UBE2K: variants seen among roughly 807,000 people sequenced by gnomAD.
UBE2K encodes ubiquitin conjugating enzyme E2 K.
In UBE2K, 6 loss-of-function variants were observed where a neutral mutation model predicts 30.0. That is an observed-to-expected ratio of 0.20 (90% CI 0.11 to 0.39). UBE2K has a LOEUF of 0.39. Ranked by LOEUF, UBE2K falls within the 10% of genes least tolerant of loss-of-function variation. The probability of loss-of-function intolerance (pLI) is 1.00; values close to 1 mark genes in which losing one functional copy is unlikely to be tolerated. For missense variants in UBE2K, 61 were observed against 241.6 expected (o/e 0.25, Z 4.96); for synonymous variants, 86 against 83.7 (o/e 1.03, Z -0.15).
chr4:39,728,788 G>C lies in UBE2K; in HGVS notation c.64-8632G>C, dbSNP rs1470446736. On this transcript the variant is annotated intron_variant, in intron 1 of 6. Coordinates refer to ENST00000261427, the MANE Select transcript of UBE2K (RefSeq NM_005339.5). ...GGAGTAGCTGGGACTATAGGCGCCC[G>C]CCACCACGCCCGGCTAGTAGGTTTT... 2.0e-5 allele frequency among the ~76,000 whole-genome samples: 3 copies of C among 148,530 alleles called. No individual in the cohort carries two copies. In the South Asian group the frequency reaches 6.5e-4, roughly 32 times the overall value.
chr4:39,736,335 G>A (rs1720378861), intron 1 of UBE2K, among the ~76,000 whole-genome samples: 1 of 152,134 alleles, frequency 6.6e-6, no homozygotes, highest in Non-Finnish European at 1.5e-5. Context: ...GGTAGTGGGT[G>A]CCTGTAATCC....
intron 5 of UBE2K, among the ~76,000 whole-genome samples, chr4:39,776,301 A>T (rs1309631822): frequency 2.0e-5 from 3 of 152,194 alleles, no homozygotes; most frequent in Non-Finnish European, 4.4e-5. Flanking sequence ...TCTGATTGCC[A>T]TAGGTCACTT....
At chr4:39,703,449 G>T (rs1718147712) in intron 1 of UBE2K, among the ~76,000 whole-genome samples, 1 of 152,056 alleles carries the variant, frequency 6.6e-6, no homozygotes, top group African/African-American at 2.4e-5. Context: ...TGAGGTCAAG[G>T]CTGCAGTGAA....
chr4:39,756,908 C>T (rs1361881281), intron 4 of UBE2K, among the ~76,000 whole-genome samples: 2 of 151,244 alleles, frequency 1.3e-5, no homozygotes, highest in African/African-American at 4.9e-5. Flanking sequence ...GGAGCCAAAA[C>T]TGTGTTTAAT....
At chr4:39,723,861 G>A (rs1406876471) in intron 1 of UBE2K, among the ~76,000 whole-genome samples, 1 of 152,064 alleles carries the variant, frequency 6.6e-6, no homozygotes, top group Non-Finnish European at 1.5e-5. Flanking sequence ...TGCGCAGGGT[G>A]GAGTGCAATG....
chr4:39,746,426 T>G (rs1336415825), intron 3 of UBE2K, among the ~76,000 whole-genome samples: 1 of 152,240 alleles, frequency 6.6e-6, no homozygotes, highest in Non-Finnish European at 1.5e-5. Flanking sequence ...CATCAGCACT[T>G]TAGGCATTCA....
At chr4:39,705,530 A>G (rs1422053217) in intron 1 of UBE2K, among the ~76,000 whole-genome samples, 1 of 151,942 alleles carries the variant, frequency 6.6e-6, no homozygotes, top group Non-Finnish European at 1.5e-5. Context: ...CCGTGAATAC[A>G]TTATTGACAG....
At chr4:39,736,154 A>G (rs1720366950) in intron 1 of UBE2K, among the ~76,000 whole-genome samples, 1 of 152,098 alleles carries the variant, frequency 6.6e-6, no homozygotes, top group African/African-American at 2.4e-5. Flanking sequence ...ACAATATGGA[A>G]TTCTAACCAA....
intron 1 of UBE2K, among the ~76,000 whole-genome samples, chr4:39,730,383 A>G (rs1053519229): frequency 2.8e-4 from 43 of 152,000 alleles, no homozygotes; most frequent in Non-Finnish European, 1.2e-4. Context: ...TGGGAGTTTC[A>G]CTATATGGCC....
rs1281224291 is a variant in UBE2K, at chr4:39,773,343, C to A, written c.300-1491C>A. 2.0e-5 allele frequency among the ~76,000 whole-genome samples: 3 copies of A among 151,894 alleles called. No individual in the cohort carries two copies. In the South Asian group the frequency reaches 6.2e-4, roughly 32 times the overall value. The stretch of plus-strand genomic sequence containing the variant: ...ATTAGCCGGGCATGGTGGCATGTGC[C>A]TGTAGTCCCAGCTACTTGTGAGGCT... On this transcript the variant is annotated intron_variant, in intron 4 of 6. Coordinates refer to ENST00000261427, the MANE Select transcript of UBE2K (RefSeq NM_005339.5).
At chr4:39,704,730 C>T (rs915067797) in intron 1 of UBE2K, among the ~76,000 whole-genome samples, 15 of 151,874 alleles carry the variant, frequency 9.9e-5, no homozygotes, top group African/African-American at 2.7e-4. Context: ...TTTGTAGAGA[C>T]GGGGTTTCAC....
intron 1 of UBE2K, among the ~76,000 whole-genome samples, chr4:39,735,159 C>G (rs997801677): frequency 4.6e-5 from 7 of 152,138 alleles, no homozygotes; most frequent in Non-Finnish European, 8.8e-5. Context: ...AGTTGGATGC[C>G]TCCAATTTTC....
chr4:39,736,238 G>A (rs569814868), intron 1 of UBE2K, among the ~76,000 whole-genome samples: 13 of 152,270 alleles, frequency 8.5e-5, no homozygotes, highest in African/African-American at 2.6e-4. Context: ...CAAGGCGGGC[G>A]TATCGCGAGG....
At chr4:39,775,236 GT>G (rs1388164100) in intron 5 of UBE2K, among the ~76,000 whole-genome samples, 1 of 152,168 alleles carries the variant, frequency 6.6e-6, no homozygotes, top group African/African-American at 2.4e-5. Context: ...GCTCGTGTAT[GT>G]GTCCATCTTT....
At chr4:39,728,138 A>T (rs1245326460) in intron 1 of UBE2K, among the ~76,000 whole-genome samples, 2 of 151,998 alleles carry the variant, frequency 1.3e-5, no homozygotes, top group Non-Finnish European at 2.9e-5. Context: ...CATCTCAAAA[A>T]AAAAAATAAG....
chr4:39,772,639 AT>A (rs1712973007), intron 4 of UBE2K, among the ~76,000 whole-genome samples: 2 of 151,812 alleles, frequency 1.3e-5, no homozygotes, highest in South Asian at 4.1e-4. Context: ...TACATGTAAC[AT>A]TTTTAATATG....
chr4:39,768,276 CAAAAAA>C lies in UBE2K; in HGVS notation c.300-6544_300-6539del, dbSNP rs35596173. On this transcript the variant is annotated intron_variant, in intron 4 of 6. Transcript: ENST00000261427. ...CAACACGGTAAAACCCCGTCTCTAC[CAAAAAA>C]AAAAAAAAAAAAATCAGCCAGGCAT... is the stretch of plus-strand genomic sequence containing the variant. Among the ~76,000 whole-genome samples the C allele has an allele frequency of 5.4e-4, 61 of 113,548 alleles. 1 individual carries two copies. Among genetic ancestry groups the C allele is most frequent in the African/African-American group, 2.0e-3 (57 of 29,198 alleles). The allele number at this position is 113,548 out of a possible 152,430, so 74.5% of individuals were successfully genotyped here. A position where few individuals can be genotyped will look rare whatever the true frequency, so the allele number is the denominator to read the frequency against.
intron 1 of UBE2K, among the ~76,000 whole-genome samples, chr4:39,735,272 C>T (rs1421796827): frequency 6.6e-6 from 1 of 152,150 alleles, no homozygotes; most frequent in Non-Finnish European, 1.5e-5. Flanking sequence ...TGCAGTGGCA[C>T]GATCTTGGCT....
In UBE2K at chr4:39,779,613, G is replaced by C. The variant is rs1183773549; in HGVS notation, c.*1179G>C. 6.6e-6 allele frequency: 1 copy of C among 152,536 alleles called. No homozygotes were observed. Among genetic ancestry groups the C allele is most frequent in the African/African-American group, 2.4e-5 (1 of 41,418 alleles). The allele number at this position is 152,536 out of a possible 1,614,324, so 9.4% of individuals were successfully genotyped here. On this transcript the variant is annotated 3_prime_UTR_variant, in exon 7 of 7. Coordinates refer to ENST00000261427, the MANE Select transcript of UBE2K (RefSeq NM_005339.5). ...CTTTACCTTCTCTTGTACATAGTCA[G>C]ACTATTTGTATTAAATTTACATTTC...
Sources: gnomAD v4.1 joint callset for allele counts (sites outside exome capture counted in the v4.1 genomes callset) on GRCh38, gnomAD v4.1.1 for gene constraint, MANE v1.5 for transcripts, NCBI Gene and HGNC (gene_info 2026-07-23, HGNC 2026-07-21) for gene names.